Variants in GPR158 observed in about 807,000 individuals in gnomAD.
GPR158 encodes G protein-coupled receptor 158, also known as metabotropic glycine receptor.
Under a neutral mutation model 78.2 loss-of-function variants are expected in GPR158, and 30 were observed. That is an observed-to-expected ratio of 0.38 (90% confidence interval 0.29 to 0.52). The LOEUF (loss-of-function observed/expected upper bound fraction) is 0.52. Ranked by LOEUF, GPR158 falls within the 20% of genes least tolerant of loss-of-function variation. The probability of loss-of-function intolerance (pLI) is 0.83; values close to 1 mark genes in which losing one functional copy is unlikely to be tolerated. For synonymous variants in GPR158, 581 were observed against 591.1 expected (o/e 0.98, Z 0.25); for missense variants, 1,463 against 1,523.5 (o/e 0.96, Z 0.66).
chr10:25,456,390 G>A (rs1011655113), intron 4 of GPR158, among the ~76,000 whole-genome samples: 2 of 152,126 alleles, frequency 1.3e-5, no homozygotes, highest in South Asian at 4.1e-4. Flanking sequence ...CTTTTTCTGG[G>A]CATTTCATAC....
rs142339711 is a variant in GPR158 at position 25,451,810 on chromosome 10, G to GTCA, written c.1336-14839_1336-14837dup. On this transcript the variant is annotated intron_variant, in intron 4 of 10. Coordinates refer to ENST00000376351, the MANE Select transcript of GPR158 (RefSeq NM_020752.3). ...TAGCTGGTACAAAAATGCAGCTGTT[G>GTCA]TCATTATTGTTATCATTGTTGTTAC... Among the ~76,000 whole-genome samples, 441 of 152,262 alleles carry GTCA rather than the reference G, an allele frequency of 2.9e-3. 2 individuals are homozygous for GTCA. Among genetic ancestry groups the GTCA allele is most frequent in the African/African-American group, 0.01 (421 of 41,536 alleles).
chr10:25,553,052 A>G, intron 6 of GPR158, among the ~76,000 whole-genome samples: 1 of 152,178 alleles, frequency 6.6e-6, no homozygotes, highest in East Asian at 1.9e-4. Context: ...CATAAGATTC[A>G]TCATCTTTCT....
intron 7 of GPR158, among the ~76,000 whole-genome samples, chr10:25,574,695 A>G (rs996163782): frequency 6.6e-6 from 1 of 151,946 alleles, no homozygotes; most frequent in Non-Finnish European, 1.5e-5. Context: ...GACCAGCCTG[A>G]CCAACATGGT....
At chr10:25,582,882 C>T (rs1179493029) in intron 7 of GPR158, among the ~76,000 whole-genome samples, 1 of 152,172 alleles carries the variant, frequency 6.6e-6, no homozygotes, top group Non-Finnish European at 1.5e-5. Context: ...TTACCACAGG[C>T]TATTCAATTC....
chr10:25,586,860 CTG>C (rs774455869), intron 7 of GPR158, among the ~76,000 whole-genome samples: 4 of 152,174 alleles, frequency 2.6e-5, no homozygotes, highest in Non-Finnish European at 5.9e-5. Context: ...ACAGATGAAA[CTG>C]TTACTGAAAT....
At chr10:25,596,493 C>A (rs149964283) in intron 9 of GPR158, 150 bp from the exon 10 acceptor site, 141 of 563,224 alleles carry the variant, frequency 2.5e-4, no homozygotes, top group Middle Eastern at 2.4e-3. Flanking sequence ...GTCTCTCTCT[C>A]TCTATCTATC....
chr10:25,476,215 A>G (rs115191367), intron 5 of GPR158, among the ~76,000 whole-genome samples: 261 of 152,272 alleles, frequency 1.7e-3, no homozygotes, highest in African/African-American at 6.2e-3. Context: ...GCAACTTTGT[A>G]TAATTTATAA....
chr10:25,526,171 T>C (rs987023619), intron 5 of GPR158, among the ~76,000 whole-genome samples: 2 of 149,760 alleles, frequency 1.3e-5, no homozygotes, highest in Admixed American at 1.3e-4. Flanking sequence ...GCAGTTATGT[T>C]GAATTGACCT....
chr10:25,307,869 A>G (rs958299457), intron 2 of GPR158, among the ~76,000 whole-genome samples: 3 of 152,130 alleles, frequency 2.0e-5, no homozygotes, highest in Admixed American at 2.0e-4. Flanking sequence ...CCTTGTGCTT[A>G]TGTGTATTTA....
At chr10:25,509,820 TCTC>T (rs1464224344) in intron 5 of GPR158, among the ~76,000 whole-genome samples, 2 of 152,172 alleles carry the variant, frequency 1.3e-5, no homozygotes, top group Non-Finnish European at 2.9e-5. Context: ...TTCAAAAAAT[TCTC>T]CTGCCTCAGC....
rs1792166133 is a variant in GPR158, at chr10:25,176,363, G to A, written c.902+41G>A. On this transcript the variant is annotated intron_variant, in intron 1 of 10. Coordinates refer to ENST00000376351, the MANE Select transcript of GPR158 (RefSeq NM_020752.3). This position sits in a 1 kb window ranked among gnomAD's most constrained non-coding sequence, Gnocchi z 6.3. ...GGGCAGGGGGGAAGGCAAAAGCGAA[G>A]CTTTCCTTCCGGTCTTGTGGGTGGG... 1 of 1,458,392 alleles carries A rather than the reference G, an allele frequency of 6.9e-7. No homozygotes were observed. The highest frequency in any genetic ancestry group is 1.3e-5 in the South Asian group (1 of 74,148). The allele number at this position is 1,458,392 out of a possible 1,614,324, so 90.3% of individuals were successfully genotyped here.
intron 5 of GPR158, among the ~76,000 whole-genome samples, chr10:25,471,309 T>G (rs552915259): frequency 6.6e-6 from 1 of 152,302 alleles, no homozygotes; most frequent in African/African-American, 2.4e-5. Flanking sequence ...TATGGCTGCA[T>G]AGTATTCCAT....
chr10:25,260,601 G>A (rs1310580549), intron 2 of GPR158, among the ~76,000 whole-genome samples: 3 of 151,560 alleles, frequency 2.0e-5, no homozygotes, highest in Non-Finnish European at 4.4e-5. Context: ...CTATTGTTTT[G>A]TTTTGTTTTT....
chr10:25,242,600 A>G (rs16925493), intron 2 of GPR158, among the ~76,000 whole-genome samples: 9,640 of 152,262 alleles, frequency 0.063, 1,046 homozygotes, highest in African/African-American at 0.22. Context: ...GCCCTTGGCC[A>G]TTCTCTCTCT....
chr10:25,234,256 C>T (rs1256183649), intron 2 of GPR158, among the ~76,000 whole-genome samples: 2 of 152,148 alleles, frequency 1.3e-5, no homozygotes, highest in East Asian at 3.9e-4. Flanking sequence ...CTCAGTTGTT[C>T]CCCTCTGCCT....
At position 25,572,703 on chromosome 10, in the gene GPR158, C is replaced by T. The variant is rs56928458; in HGVS notation, c.1569C>T (p.Gly523=). The T allele has an allele frequency of 7.9e-3, 12,774 of 1,613,894 alleles. 1,114 individuals are homozygous for T. In the East Asian group the frequency reaches 0.2, roughly 25 times the overall value. Residue 523 remains glycine, a synonymous_variant, in exon 7 of 11, where the codon GGC becomes GGT. Coordinates refer to ENST00000376351, the MANE Select transcript of GPR158 (RefSeq NM_020752.3). ...RTAQRIPYMT[G]GRVMRMLAVI... ...CTCAACGAATTCCATATATGACTGG[C>T]GGACGGGTCATGAGGATGCTGGCAG...
chr10:25,465,879 G>T (rs1835414790), intron 4 of GPR158, among the ~76,000 whole-genome samples: 1 of 152,160 alleles, frequency 6.6e-6, no homozygotes, highest in South Asian at 2.1e-4. Context: ...GGACTAAGTG[G>T]CTAAGTTGGC....
Position 25,237,904 on chromosome 10 carries a change from T to G in GPR158, c.1008+16747T>G, listed in dbSNP as rs1410811133. On this transcript the variant is annotated intron_variant, in intron 2 of 10. Transcript: ENST00000376351. Reference sequence around the variant, plus strand: ...TTTCCATTTCTTCCTGTCCTCTCTATCCCCTCCTTTTCCACCTCCCTCTTT... The same window carrying G: ...TTTCCATTTCTTCCTGTCCTCTCTAGCCCCTCCTTTTCCACCTCCCTCTTT... 2.6e-5 allele frequency among the ~76,000 whole-genome samples: 4 copies of G among 152,058 alleles called. No homozygotes were observed. In the East Asian group the frequency reaches 7.7e-4, roughly 29 times the overall value.
At chr10:25,461,618 C>T (rs559681710) in intron 4 of GPR158, among the ~76,000 whole-genome samples, 5 of 152,096 alleles carry the variant, frequency 3.3e-5, no homozygotes, top group Admixed American at 1.3e-4. Flanking sequence ...GAAGCTGCAG[C>T]ACGTCACTCA....
Sources: allele counts gnomAD v4.1 joint callset (sites outside exome capture counted in the v4.1 genomes callset), GRCh38; gene constraint gnomAD v4.1.1; non-coding constraint Gnocchi (gnomAD v3.1); transcripts MANE v1.5; gene names NCBI Gene and HGNC (gene_info 2026-07-23, HGNC 2026-07-21).